OSBPL10: variants seen among roughly 807,000 people sequenced by gnomAD.
OSBPL10 encodes oxysterol-binding protein-related protein 10.
OSBPL10 carries 49 observed loss-of-function variants against 81.7 expected under a neutral mutation model. The observed-to-expected ratio is 0.60, with a 90% CI of 0.48 to 0.76. The LOEUF (loss-of-function observed/expected upper bound fraction) is 0.76. OSBPL10 is among the 30% of genes least tolerant of loss of function. The pLI, the probability that OSBPL10 is intolerant of heterozygous loss-of-function variation, is 0.00. For synonymous variants in OSBPL10, 419 were observed against 383.6 expected (o/e 1.09, Z -1.08); for missense variants, 923 against 987.8 (o/e 0.93, Z 0.88).
chr3:31,866,879 C>A (rs1701193991), intron 3 of OSBPL10, among the ~76,000 whole-genome samples: 1 of 152,116 alleles, frequency 6.6e-6, no homozygotes, highest in Admixed American at 6.6e-5. Context: ...CAGCTTCCAG[C>A]ATGAACATTA....
At chr3:31,990,034 T>C in intron 2 of OSBPL10, 1 of 1,614,148 alleles carries the variant, frequency 6.2e-7, no homozygotes, top group Non-Finnish European at 8.5e-7. Context: ...ATGTGAAGAA[T>C]GTGACAAAGT....
At chr3:31,906,673 A>C (rs1696416005) in intron 1 of OSBPL10, among the ~76,000 whole-genome samples, 1 of 152,122 alleles carries the variant, frequency 6.6e-6, no homozygotes, top group Non-Finnish European at 1.5e-5. Flanking sequence ...TGACCCTCTA[A>C]TCCTCCTCCC....
At chr3:31,704,513 G>C (rs567153913) in intron 6 of OSBPL10, 1 of 152,366 alleles carries the variant, frequency 6.6e-6, no homozygotes, top group Admixed American at 6.5e-5. Context: ...CCACCATGGT[G>C]TACCCAACAG....
At chr3:31,823,471 C>G (rs534589029) in intron 4 of OSBPL10, among the ~76,000 whole-genome samples, 26 of 152,182 alleles carry the variant, frequency 1.7e-4, no homozygotes, top group African/African-American at 6.0e-4. Flanking sequence ...GCAGTGCTAT[C>G]CAAGAGAAAG....
chr3:31,674,628 T>C (rs1367705901), intron 8 of OSBPL10, among the ~76,000 whole-genome samples: 1 of 147,956 alleles, frequency 6.8e-6, no homozygotes, highest in Non-Finnish European at 1.5e-5. Context: ...GATAGATAGA[T>C]GGAAAAGAGT....
At chr3:31,911,390 G>A (rs1575611310) in intron 1 of OSBPL10, among the ~76,000 whole-genome samples, 2 of 152,062 alleles carry the variant, frequency 1.3e-5, no homozygotes, top group Non-Finnish European at 2.9e-5. Flanking sequence ...AGTGGAATGG[G>A]AAGTGGCCGC....
intron 2 of OSBPL10, among the ~76,000 whole-genome samples, chr3:32,008,283 G>A (rs1699223387): frequency 6.6e-6 from 1 of 150,652 alleles, no homozygotes; most frequent in Admixed American, 6.6e-5. Context: ...CTCCTGAGTA[G>A]TTGGGATTAC....
chr3:32,067,248 G>A (rs551567710), intron 1 of OSBPL10, among the ~76,000 whole-genome samples: 1 of 152,090 alleles, frequency 6.6e-6, no homozygotes. Flanking sequence ...TCTTTTGACA[G>A]TCTCAATTCT....
intron 11 of OSBPL10, chr3:31,663,442 T>C: frequency 2.0e-6 from 2 of 987,500 alleles, no homozygotes; most frequent in Non-Finnish European, 2.4e-6. Context: ...GTTCTCAGAG[T>C]GCTTCCCAAT....
At chr3:31,869,685 C>A (rs1047695547) in intron 3 of OSBPL10, among the ~76,000 whole-genome samples, 1 of 152,124 alleles carries the variant, frequency 6.6e-6, no homozygotes, top group African/African-American at 2.4e-5. Flanking sequence ...GAAGAGGGAG[C>A]ATGCTAAGCA....
intron 2 of OSBPL10, among the ~76,000 whole-genome samples, chr3:31,995,205 C>A (rs1699077852): frequency 6.6e-6 from 1 of 152,108 alleles, no homozygotes; most frequent in Admixed American, 6.6e-5. Context: ...ACTGGTCTGA[C>A]CTCAAATTTA....
intron 3 of OSBPL10, among the ~76,000 whole-genome samples, chr3:31,866,407 G>T (rs61297804): frequency 6.6e-6 from 1 of 151,948 alleles, no homozygotes. Context: ...CACACAAGTG[G>T]GAACAGTGGC....
chr3:31,961,782 C>A lies in OSBPL10; in HGVS notation c.281+19117G>T, dbSNP rs766878746. On this transcript the variant is annotated intron_variant, in intron 1 of 11. Coordinates refer to ENST00000396556, the MANE Select transcript of OSBPL10 (RefSeq NM_017784.5). Reference sequence around the variant, plus strand: ...TTCTAGTGTATAATTATAATCTTTACAGAAATTAATTAATGTACACCAGCA... The same window carrying A: ...TTCTAGTGTATAATTATAATCTTTAAAGAAATTAATTAATGTACACCAGCA... 9.9e-5 allele frequency among the ~76,000 whole-genome samples: 15 copies of A among 152,076 alleles called. 1 individual carries two copies. Among genetic ancestry groups the A allele is most frequent in the Middle Eastern group, 3.4e-3 (1 of 294 alleles).
At chr3:31,698,484 A>G (rs1037494954) in intron 7 of OSBPL10, among the ~76,000 whole-genome samples, 4 of 92,284 alleles carry the variant, frequency 4.3e-5, no homozygotes, top group African/African-American at 1.3e-4. Flanking sequence ...CAAAAATACA[A>G]GTAAGGCCAC....
At chr3:31,946,946 A>G (rs1357987903) in intron 1 of OSBPL10, among the ~76,000 whole-genome samples, 1 of 152,230 alleles carries the variant, frequency 6.6e-6, no homozygotes, top group African/African-American at 2.4e-5. Context: ...AGACAAGGGC[A>G]GGAGGAGCAG....
chr3:31,825,302 C>G (rs1396298639), intron 4 of OSBPL10, among the ~76,000 whole-genome samples: 9 of 152,088 alleles, frequency 5.9e-5, no homozygotes, highest in Non-Finnish European at 1.3e-4. Flanking sequence ...AGAATCAATC[C>G]ACAAGGAAGT....
At chr3:31,818,180 T>A (rs1029749352) in intron 4 of OSBPL10, among the ~76,000 whole-genome samples, 2 of 152,122 alleles carry the variant, frequency 1.3e-5, no homozygotes, top group African/African-American at 4.8e-5. Flanking sequence ...AGTATTTACA[T>A]TGGTGGCCTC....
At chr3:31,791,867 G>T (rs1251185993) in intron 4 of OSBPL10, among the ~76,000 whole-genome samples, 3 of 150,162 alleles carry the variant, frequency 2.0e-5, no homozygotes, top group East Asian at 3.9e-4. Context: ...AAAAAAATAA[G>T]AAACAGATTA....
chr3:31,733,225 C>A, intron 6 of OSBPL10, 32 bp downstream of exon 6: 1 of 1,604,620 alleles, frequency 6.2e-7, no homozygotes, highest in Non-Finnish European at 8.5e-7. Context: ...ATAACACAAG[C>A]CATGAATGCA....
Sources: allele counts gnomAD v4.1 joint callset (sites outside exome capture counted in the v4.1 genomes callset), GRCh38; gene constraint gnomAD v4.1.1; transcripts MANE v1.5; gene names NCBI Gene and HGNC (gene_info 2026-07-23, HGNC 2026-07-21).